Variants in SNX16 observed in about 807,000 individuals in gnomAD.
SNX16 encodes the protein sorting nexin-16.
Under a neutral mutation model 36.7 loss-of-function variants are expected in SNX16, and 35 were observed. That is an observed-to-expected ratio of 0.95 (90% CI 0.73 to 1.27). The LOEUF (loss-of-function observed/expected upper bound fraction) is 1.27. Ranked by LOEUF, SNX16 falls within the 50% of genes most tolerant of loss-of-function variation. SNX16 has a pLI of 0.00. For missense variants in SNX16, 367 were observed against 393.6 expected, an observed-to-expected ratio of 0.93 and a Z score of 0.57; for synonymous variants, 134 against 132.0, an observed-to-expected ratio of 1.02 and a Z score of -0.10.
intron 3 of SNX16, among the ~76,000 whole-genome samples, chr8:81,824,344 G>T (rs1238649103): frequency 6.6e-6 from 1 of 151,966 alleles, no homozygotes; most frequent in Non-Finnish European, 1.5e-5. Flanking sequence ...AAAAAATTAG[G>T]TTGCCTAAGT....
chr8:81,802,537 A>G, intron 6 of SNX16, 38 bp from the exon 7 acceptor site: 1 of 1,568,858 alleles, frequency 6.4e-7, no homozygotes, highest in Non-Finnish European at 8.7e-7. Flanking sequence ...TTTTCTATGA[A>G]CAAAACAGGC....
intron 5 of SNX16, among the ~76,000 whole-genome samples, chr8:81,812,882 G>T (rs768682558): frequency 1.3e-5 from 2 of 151,960 alleles, no homozygotes; most frequent in African/African-American, 4.8e-5. Flanking sequence ...AAGAAAGAGG[G>T]AGGAAACGGA....
Position 81,801,228 on chromosome 8 carries a change from A to G in SNX16, c.*269T>C, listed in dbSNP as rs1346048547. The G allele has an allele frequency of 2.9e-5, 8 of 271,684 alleles. No homozygotes were observed. The highest frequency in any genetic ancestry group is 4.8e-5 in the Non-Finnish European group (7 of 145,918). 16.8% of individuals were successfully genotyped at this position (271,684 alleles called of 1,614,324 possible). A position where few individuals can be genotyped will look rare whatever the true frequency, so the allele number is the denominator to read the frequency against. On this transcript the variant is annotated 3_prime_UTR_variant, in exon 8 of 8. Coordinates refer to ENST00000345957, the MANE Select transcript of SNX16 (RefSeq NM_152836.3). The stretch of plus-strand genomic sequence containing the variant: ...CAAAACACCATAATAATTTATGCAC[A>G]GTATTTAAGAATGTGGGCCTTGATA...
chr8:81,813,648 T>G (rs111408404), intron 5 of SNX16, among the ~76,000 whole-genome samples: 3,014 of 152,008 alleles, frequency 0.02, 94 homozygotes, highest in African/African-American at 0.069. Context: ...AAAAGACACC[T>G]ACAGACTGCA....
rs1460964052 is a variant in SNX16 at position 81,802,490 on chromosome 8, A to C, written c.828T>G (p.Ser276=). 1.2e-6 allele frequency: 2 copies of C among 1,606,230 alleles called. No homozygotes were observed. The highest frequency in any genetic ancestry group is 2.7e-5 in the African/African-American group (2 of 74,444). Residue 276 remains serine, a synonymous_variant, in exon 7 of 8, where the codon TCT becomes TCG. Transcript: ENST00000345957. The part of the protein sequence containing the change: ...DTLENRIRTL[S]LEPEESLDVS... ...CATCCAGTGATTCTTCAGGTTCTAA[A>C]GACAATGTTCTAAAAGTATGTTATA...
chr8:81,828,413 T>A (rs1012010921), intron 3 of SNX16, among the ~76,000 whole-genome samples: 2 of 152,150 alleles, frequency 1.3e-5, no homozygotes, highest in African/African-American at 4.8e-5. Flanking sequence ...GGTTTATTGA[T>A]CATTTATGTT....
chr8:81,823,790 A>G lies in SNX16; in HGVS notation c.611+2T>C. On this transcript the variant is annotated splice_donor_variant, in intron 4 of 7. Coordinates refer to ENST00000345957, the MANE Select transcript of SNX16 (RefSeq NM_152836.3). LOFTEE classifies it high-confidence loss of function. ...AATCTCTTATTTCAATTCGTTACATACCAGTTAGCAATGTCCTTGTGAGCT... is the reference window on the plus strand; with the variant it reads ...AATCTCTTATTTCAATTCGTTACATGCCAGTTAGCAATGTCCTTGTGAGCT... 6.3e-7 allele frequency: 1 copy of G among 1,594,002 alleles called. No homozygotes were observed. The highest frequency in any genetic ancestry group is 8.5e-7 in the Non-Finnish European group (1 of 1,172,608).
intron 5 of SNX16, among the ~76,000 whole-genome samples, chr8:81,813,912 G>C (rs183285617): frequency 7.2e-5 from 11 of 152,098 alleles, no homozygotes; most frequent in Non-Finnish European, 1.2e-4. Context: ...ATCCAAAAGA[G>C]AGATAATATC....
At chr8:81,822,956 A>ATG (rs1810827855) in intron 4 of SNX16, among the ~76,000 whole-genome samples, 1 of 76,874 alleles carries the variant, frequency 1.3e-5, no homozygotes, top group Non-Finnish European at 2.8e-5. Context: ...ACATATATAT[A>ATG]TATATATATA....
In SNX16 at chr8:81,800,031, G is replaced by A. The variant is rs571956647; in HGVS notation, c.*1466C>T. On this transcript the variant is annotated 3_prime_UTR_variant, in exon 8 of 8. Transcript: ENST00000345957. The stretch of plus-strand genomic sequence containing the variant: ...ACAGACTAAAAATTTTTGGTTATTT[G>A]GTAAAAAGTGATCTCCTTTTTACTT... 6.6e-6 allele frequency: 1 copy of A among 151,572 alleles called. No homozygotes were observed. The highest frequency in any genetic ancestry group is 1.5e-5 in the Non-Finnish European group (1 of 67,740). The allele number at this position is 151,572 out of a possible 1,614,324, so 9.4% of individuals were successfully genotyped here.
intron 5 of SNX16, among the ~76,000 whole-genome samples, chr8:81,811,012 G>A (rs910927633): frequency 3.3e-5 from 5 of 151,948 alleles, no homozygotes; most frequent in South Asian, 2.1e-4. Flanking sequence ...TTTGTAAAAG[G>A]GCTAATTTAA....
intron 5 of SNX16, 55 bp downstream of exon 5, chr8:81,815,270 T>A: frequency 7.8e-7 from 1 of 1,289,870 alleles, no homozygotes; most frequent in Non-Finnish European, 1.1e-6. Context: ...ACAATGTAGT[T>A]ATTGTACTGC....
intron 2 of SNX16, among the ~76,000 whole-genome samples, chr8:81,830,532 C>A (rs1356999661): frequency 6.8e-6 from 1 of 146,018 alleles, no homozygotes; most frequent in East Asian, 2.0e-4. Context: ...CATTGCACCA[C>A]TGCACTCCAG....
intron 5 of SNX16, among the ~76,000 whole-genome samples, chr8:81,811,438 C>T (rs1239902200): frequency 6.6e-6 from 1 of 152,102 alleles, no homozygotes; most frequent in African/African-American, 2.4e-5. Context: ...AAATACACTC[C>T]TTAGACTATA....
chr8:81,817,782 A>C (rs1310793400), intron 4 of SNX16, among the ~76,000 whole-genome samples: 1 of 152,066 alleles, frequency 6.6e-6, no homozygotes, highest in Non-Finnish European at 1.5e-5. Flanking sequence ...ATTCTGATAC[A>C]TTTTTCCCCC....
chr8:81,837,359 C>A (rs1471842050), intron 2 of SNX16, among the ~76,000 whole-genome samples: 1 of 152,200 alleles, frequency 6.6e-6, no homozygotes, highest in Non-Finnish European at 1.5e-5. Context: ...CATAACACCA[C>A]CTTGTATTTG....
In SNX16 at chr8:81,801,402, T is replaced by A. The variant is rs1175907806; in HGVS notation, c.*95A>T. On this transcript the variant is annotated 3_prime_UTR_variant, in exon 8 of 8. Transcript: ENST00000345957. ...ACATGTGCATTCTTGCTCTTTTCTA[T>A]ATGTTTTACAGTTCTTGGTTCTTCT... 6.1e-6 allele frequency: 4 copies of A among 659,404 alleles called. No homozygotes were observed. The highest frequency in any genetic ancestry group is 6.0e-5 in the Admixed American group (2 of 33,232). 40.8% of individuals were successfully genotyped at this position (659,404 alleles called of 1,614,324 possible).
chr8:81,809,221 G>T (rs556076427), intron 5 of SNX16, among the ~76,000 whole-genome samples: 1 of 152,048 alleles, frequency 6.6e-6, no homozygotes, highest in South Asian at 2.1e-4. Context: ...CAGAAACCTT[G>T]GTGTAGTTGA....
chr8:81,834,845 T>C (rs1166382203), intron 2 of SNX16, among the ~76,000 whole-genome samples: 2 of 152,210 alleles, frequency 1.3e-5, no homozygotes, highest in Admixed American at 6.5e-5. Flanking sequence ...TCCAGGTGCA[T>C]GGTGCAAGCT....
Sources: allele counts gnomAD v4.1 joint callset (sites outside exome capture counted in the v4.1 genomes callset), GRCh38; gene constraint gnomAD v4.1.1; transcripts MANE v1.5; gene names NCBI Gene and HGNC (gene_info 2026-07-23, HGNC 2026-07-21).